The following COL4A3 variants were observed in gnomAD, a reference collection of about 807,000 sequenced individuals.
COL4A3 encodes the protein collagen alpha-3(IV) chain.
COL4A3 carries 135 observed loss-of-function variants against 217.4 expected under a neutral mutation model. The observed-to-expected ratio is 0.62, with a 90% CI of 0.54 to 0.72. The LOEUF (loss-of-function observed/expected upper bound fraction) is 0.72. COL4A3 is among the 30% of genes least tolerant of loss of function. COL4A3 has a pLI of 0.00. For missense variants in COL4A3, 1,868 were observed against 2,119.9 expected (o/e 0.88, Z 2.33); for synonymous variants, 690 against 736.3 (o/e 0.94, Z 1.02).
chr2:227,260,470 T>C (rs977480134), intron 19 of COL4A3, among the ~76,000 whole-genome samples: 2 of 152,194 alleles, frequency 1.3e-5, no homozygotes, highest in East Asian at 1.9e-4. Context: ...CACTAGAAGA[T>C]TGTAAAAACT....
At chr2:227,205,303 A>G (rs1178083745) in intron 1 of COL4A3, among the ~76,000 whole-genome samples, 1 of 152,162 alleles carries the variant, frequency 6.6e-6, no homozygotes, top group African/African-American at 2.4e-5. Context: ...TAGGTTGTAT[A>G]TGAAATAGTG....
rs758571437 is a variant in COL4A3 at position 227,263,883 on chromosome 2, G to A, written c.1254G>A (p.Gly418=). 1 of 1,614,202 alleles carries A rather than the reference G, an allele frequency of 6.2e-7. No homozygotes were observed. Among genetic ancestry groups the A allele is most frequent in the Non-Finnish European group, 8.5e-7 (1 of 1,180,022 alleles). The change falls in exon 21 of 52, where the codon GGG becomes GGA. Residue 418 remains glycine (G), a synonymous_variant. Coordinates refer to ENST00000396578, the MANE Select transcript of COL4A3 (RefSeq NM_000091.5). ...GAAAGGATGCCATGGGGACTCCTGG[G>A]TCCCCAGGTTGTGCTGGTTCACCAG... ...RPGKDAMGTP[G]SPGCAGSPGL...
In COL4A3 at chr2:227,250,783, G is replaced by A. The variant is rs981667427; in HGVS notation, c.547-357G>A. Reference sequence around the variant, plus strand: ...TGATACCTGGGAAAAGGGGATTCTAGGCAGAGGGAGAGCAGGTGGCAGGCC... The same window carrying A: ...TGATACCTGGGAAAAGGGGATTCTAAGCAGAGGGAGAGCAGGTGGCAGGCC... On this transcript the variant is annotated intron_variant, in intron 9 of 51. Coordinates refer to ENST00000396578, the MANE Select transcript of COL4A3 (RefSeq NM_000091.5). The surrounding 1 kb of genome is among the most constrained non-coding windows in gnomAD (Gnocchi z 4.1). Among the ~76,000 whole-genome samples the A allele has an allele frequency of 1.3e-5, 2 of 152,136 alleles. No homozygotes were observed. The highest frequency in any genetic ancestry group is 4.8e-5 in the African/African-American group (2 of 41,420).
intron 28 of COL4A3, among the ~76,000 whole-genome samples, chr2:227,278,442 C>T (rs2071725894): frequency 6.6e-6 from 1 of 152,098 alleles, no homozygotes; most frequent in Admixed American, 6.5e-5. Context: ...AAAATAGCAT[C>T]CTTGTTTTGG....
chr2:227,241,907 C>T (rs1463390052), intron 3 of COL4A3, among the ~76,000 whole-genome samples: 1 of 152,090 alleles, frequency 6.6e-6, no homozygotes, highest in Non-Finnish European at 1.5e-5. Flanking sequence ...AGAAAACGGA[C>T]ACAGAGCACT....
intron 1 of COL4A3, among the ~76,000 whole-genome samples, chr2:227,168,845 T>A (rs2065369805): frequency 6.6e-6 from 1 of 152,072 alleles, no homozygotes; most frequent in Non-Finnish European, 1.5e-5. Flanking sequence ...CGTCCCAACA[T>A]TTTCAATCAA....
chr2:227,165,952 T>C (rs944335580), intron 1 of COL4A3, among the ~76,000 whole-genome samples: 2 of 152,238 alleles, frequency 1.3e-5, no homozygotes, highest in African/African-American at 4.8e-5. Context: ...CCAAACATTG[T>C]CCATGAATTT....
intron 1 of COL4A3, among the ~76,000 whole-genome samples, chr2:227,177,733 C>T (rs552267742): frequency 1.3e-5 from 2 of 152,218 alleles, no homozygotes; most frequent in African/African-American, 2.4e-5. Flanking sequence ...AATCTCGCAC[C>T]GTCCTGCTGT....
chr2:227,189,212 C>T (rs1361389364), intron 1 of COL4A3, among the ~76,000 whole-genome samples: 2 of 152,048 alleles, frequency 1.3e-5, no homozygotes, highest in African/African-American at 4.8e-5. Flanking sequence ...GACCTTGATC[C>T]TTAGAGGAAT....
At chr2:227,232,502 G>T (rs1029580166) in intron 1 of COL4A3, among the ~76,000 whole-genome samples, 5 of 151,992 alleles carry the variant, frequency 3.3e-5, no homozygotes, top group Admixed American at 1.3e-4. Context: ...GTGTACAAGG[G>T]TCCCCTTTTC....
chr2:227,174,698 G>T (rs996565979), intron 1 of COL4A3, among the ~76,000 whole-genome samples: 8 of 151,980 alleles, frequency 5.3e-5, no homozygotes, highest in Non-Finnish European at 1.5e-5. Flanking sequence ...GAAGAGACGG[G>T]GTCTCACCAT....
intron 1 of COL4A3, among the ~76,000 whole-genome samples, chr2:227,202,746 A>AAATATAT (rs1553738297): frequency 9.0e-5 from 2 of 22,218 alleles, no homozygotes; most frequent in African/African-American, 2.4e-4. Flanking sequence ...AAAAAAAAAA[A>AAATATAT]ATATATATAT....
At chr2:227,223,651 T>C (rs1034513473) in intron 1 of COL4A3, among the ~76,000 whole-genome samples, 2 of 152,112 alleles carry the variant, frequency 1.3e-5, no homozygotes, top group African/African-American at 4.8e-5. Flanking sequence ...GGAGAATCTC[T>C]TGAACCTGGA....
intron 1 of COL4A3, among the ~76,000 whole-genome samples, chr2:227,168,706 A>G (rs1559789364): frequency 6.6e-6 from 1 of 151,828 alleles, no homozygotes; most frequent in Non-Finnish European, 1.5e-5. Flanking sequence ...TCCTGGGATT[A>G]TAGGAATGTT....
intron 1 of COL4A3, among the ~76,000 whole-genome samples, chr2:227,178,536 TTTA>T: frequency 6.9e-6 from 1 of 145,920 alleles, no homozygotes. Flanking sequence ...ATGTCATTAT[TTTA>T]TTTTATTTTT....
At chr2:227,240,315 A>G in intron 3 of COL4A3, 83 bp downstream of exon 3, 1 of 1,303,612 alleles carries the variant, frequency 7.7e-7, no homozygotes, top group Non-Finnish European at 1.1e-6. Context: ...AAACCTGGAG[A>G]GAATTCCACA....
chr2:227,244,896 A>G, intron 4 of COL4A3, 55 bp from the exon 5 acceptor site: 1 of 1,488,972 alleles, frequency 6.7e-7, no homozygotes, highest in Non-Finnish European at 9.2e-7. Context: ...TTATAGATTG[A>G]ACATTTTTAA....
chr2:227,286,476 C>A (rs2072332476), intron 34 of COL4A3, among the ~76,000 whole-genome samples: 1 of 152,174 alleles, frequency 6.6e-6, no homozygotes. Flanking sequence ...ACCTGGGCAA[C>A]AGAGTGAGGC....
chr2:227,257,457 A>C, intron 17 of COL4A3, 146 bp from the exon 18 acceptor site: 1 of 715,518 alleles, frequency 1.4e-6, no homozygotes, highest in Middle Eastern at 2.4e-4. Context: ...AAAATAATTT[A>C]AAGTCAGTGT....
Sources: allele counts gnomAD v4.1 joint callset (sites outside exome capture counted in the v4.1 genomes callset), GRCh38; gene constraint gnomAD v4.1.1; non-coding constraint Gnocchi (gnomAD v3.1); transcripts MANE v1.5; gene names NCBI Gene and HGNC (gene_info 2026-07-23, HGNC 2026-07-21).